Variants in JAKMIP2 observed in about 807,000 individuals in gnomAD.
JAKMIP2 encodes the protein janus kinase and microtubule interacting protein 2.
JAKMIP2 carries 25 observed loss-of-function variants against 115.0 expected under a neutral mutation model. The ratio of observed to expected loss-of-function variants is 0.22; its 90% CI spans 0.16 to 0.30. JAKMIP2 has a LOEUF of 0.30. JAKMIP2 is among the 10% of genes least tolerant of loss of function. The pLI is 1.00. For synonymous variants in JAKMIP2, 334 were observed against 343.6 expected (o/e 0.97, Z 0.31); for missense variants, 642 against 957.6 (o/e 0.67, Z 4.35).
chr5:147,624,985 T>A (rs1272525909), intron 16 of JAKMIP2, among the ~76,000 whole-genome samples: 2 of 151,994 alleles, frequency 1.3e-5, no homozygotes, highest in East Asian at 1.9e-4. Context: ...TTTATTTATT[T>A]ATTATTATTT....
chr5:147,735,341 C>T (rs1224712896), intron 1 of JAKMIP2, among the ~76,000 whole-genome samples: 6 of 152,076 alleles, frequency 3.9e-5, no homozygotes, highest in Non-Finnish European at 7.4e-5. Flanking sequence ...TAAAGATATA[C>T]CCAAGACTGG....
In JAKMIP2 at chr5:147,702,553, GAAGAAAGAAAGAAAGAAAGAAAGAAGGA is replaced by G. The variant is rs1452804708; in HGVS notation, c.-148-30627_-148-30600del. Among the ~76,000 whole-genome samples the G allele has an allele frequency of 8.4e-3, 869 of 103,444 alleles. 11 individuals are homozygous for G. Among genetic ancestry groups the G allele is most frequent in the African/African-American group, 0.015 (337 of 22,112 alleles). 67.9% of individuals were successfully genotyped at this position (103,444 alleles called of 152,430 possible). ...AGGGAGAGAGAGAGAGACAAAGAAA[GAAGAAAGAAAGAAAGAAAGAAAGAAGGA>G]AAGAAAGAAAGAAAGAAAGAAGGAA... On this transcript the variant is annotated intron_variant, in intron 1 of 21. Transcript: ENST00000616793.
intron 5 of JAKMIP2, among the ~76,000 whole-genome samples, chr5:147,646,690 T>A (rs1758146900): frequency 6.6e-6 from 1 of 151,554 alleles, no homozygotes; most frequent in African/African-American, 2.4e-5. Flanking sequence ...TATATACACA[T>A]ACACATGTAT....
At chr5:147,699,705 G>A (rs867761088) in intron 1 of JAKMIP2, among the ~76,000 whole-genome samples, 1 of 152,110 alleles carries the variant, frequency 6.6e-6, no homozygotes, top group Non-Finnish European at 1.5e-5. Context: ...AAACACCACA[G>A]ATGGCTCTAT....
chr5:147,731,763 T>C (rs1026745854), intron 1 of JAKMIP2, among the ~76,000 whole-genome samples: 22 of 152,156 alleles, frequency 1.4e-4, no homozygotes, highest in Non-Finnish European at 2.9e-4. Flanking sequence ...GCAACAAAAG[T>C]TTTGAAAAAT....
chr5:147,665,377 T>C (rs1362410508), intron 2 of JAKMIP2, among the ~76,000 whole-genome samples: 1 of 152,232 alleles, frequency 6.6e-6, no homozygotes, highest in Non-Finnish European at 1.5e-5. Context: ...TTGTTTTCTA[T>C]TGATTTAGAA....
intron 10 of JAKMIP2, among the ~76,000 whole-genome samples, chr5:147,637,852 C>T (rs1757697951): frequency 6.6e-6 from 1 of 152,006 alleles, no homozygotes; most frequent in Admixed American, 6.6e-5. Context: ...TATGGAGCAA[C>T]TTTGTTGTCC....
intron 1 of JAKMIP2, among the ~76,000 whole-genome samples, chr5:147,722,600 A>G (rs1342684885): frequency 6.6e-6 from 1 of 152,212 alleles, no homozygotes; most frequent in Non-Finnish European, 1.5e-5. Flanking sequence ...GACTAGCCCC[A>G]GCCAAGTGTA....
intron 21 of JAKMIP2, among the ~76,000 whole-genome samples, chr5:147,596,572 C>T (rs574473768): frequency 6.6e-6 from 1 of 152,044 alleles, no homozygotes; most frequent in East Asian, 1.9e-4. Context: ...ATTCATTTTC[C>T]CAGCTATTCA....
chr5:147,657,485 G>T (rs970758915), intron 3 of JAKMIP2, among the ~76,000 whole-genome samples: 3 of 152,096 alleles, frequency 2.0e-5, no homozygotes, highest in African/African-American at 7.2e-5. Flanking sequence ...GTGTCTTGGG[G>T]TTGATCTTCT....
chr5:147,667,004 A>G (rs1207260334), intron 2 of JAKMIP2, among the ~76,000 whole-genome samples: 1 of 152,216 alleles, frequency 6.6e-6, no homozygotes, highest in African/African-American at 2.4e-5. Context: ...TCCTGATAAG[A>G]CTAACATTAC....
chr5:147,617,759 T>G, intron 19 of JAKMIP2, 152 bp downstream of exon 19: 1 of 639,498 alleles, frequency 1.6e-6, no homozygotes, highest in Non-Finnish European at 2.7e-6. Flanking sequence ...TGTATGTGCA[T>G]GAAGGTAGAA....
intron 3 of JAKMIP2, chr5:147,660,658 T>A: frequency 2.5e-6 from 1 of 405,814 alleles, no homozygotes. Context: ...TCCATATATA[T>A]GGTCCTTGGA....
chr5:147,713,552 A>T (rs958339289), intron 1 of JAKMIP2, among the ~76,000 whole-genome samples: 1 of 152,194 alleles, frequency 6.6e-6, no homozygotes, highest in African/African-American at 2.4e-5. Flanking sequence ...GTAATTCTGG[A>T]CAATCGCCAA....
At chr5:147,752,792 G>C (rs999783324) in intron 1 of JAKMIP2, among the ~76,000 whole-genome samples, 1 of 152,166 alleles carries the variant, frequency 6.6e-6, no homozygotes. Flanking sequence ...AAGGGAGATA[G>C]AGGAGAGGAT....
At chr5:147,686,404 C>T (rs986409839) in intron 1 of JAKMIP2, among the ~76,000 whole-genome samples, 4 of 152,112 alleles carry the variant, frequency 2.6e-5, no homozygotes, top group African/African-American at 9.7e-5. Context: ...CATATCTTAC[C>T]AAACTCACGG....
intron 1 of JAKMIP2, among the ~76,000 whole-genome samples, chr5:147,763,466 C>T (rs1755005393): frequency 6.6e-6 from 1 of 152,094 alleles, no homozygotes; most frequent in African/African-American, 2.4e-5. Flanking sequence ...TCATAAATAA[C>T]TCTGTTCTGC....
intron 1 of JAKMIP2, among the ~76,000 whole-genome samples, chr5:147,681,660 A>T (rs1760286558): frequency 6.6e-6 from 1 of 152,158 alleles, no homozygotes; most frequent in Non-Finnish European, 1.5e-5. Context: ...GGGAGGAATC[A>T]GCAATTTAAT....
intron 1 of JAKMIP2, among the ~76,000 whole-genome samples, chr5:147,741,486 A>T (rs1442824801): frequency 6.6e-6 from 1 of 152,124 alleles, no homozygotes; most frequent in African/African-American, 2.4e-5. Flanking sequence ...AGGTATAAGT[A>T]TATACTTTTT....
Sources: gnomAD v4.1 joint callset for allele counts (sites outside exome capture counted in the v4.1 genomes callset) on GRCh38, gnomAD v4.1.1 for gene constraint, MANE v1.5 for transcripts, NCBI Gene and HGNC (gene_info 2026-07-23, HGNC 2026-07-21) for gene names.